ABCA1: variants seen among roughly 807,000 people sequenced by gnomAD.
The protein encoded by ABCA1 is ATP binding cassette subfamily A member 1.
ABCA1 carries 133 observed loss-of-function variants against 262.5 expected under a neutral mutation model. The observed-to-expected ratio is 0.51, with a 90% CI of 0.44 to 0.59. The LOEUF is 0.59. ABCA1 is among the 20% of genes least tolerant of loss of function. ABCA1 has a pLI of 0.00. For missense variants in ABCA1, 2,452 were observed against 2,777.5 expected (o/e 0.88, Z 2.63); for synonymous variants, 1,022 against 1,043.5 (o/e 0.98, Z 0.40).
At chr9:104,851,078 C>A (rs1348842801) in intron 7 of ABCA1, among the ~76,000 whole-genome samples, 2 of 152,186 alleles carry the variant, frequency 1.3e-5, no homozygotes, top group African/African-American at 4.8e-5. Context: ...TTAATCACAA[C>A]ATACCATGTT....
At chr9:104,888,541 A>G (rs548330928) in intron 3 of ABCA1, among the ~76,000 whole-genome samples, 3 of 152,232 alleles carry the variant, frequency 2.0e-5, no homozygotes, top group African/African-American at 7.2e-5. Context: ...ATTCATACCC[A>G]GATAACCTGA....
chr9:104,902,367 A>G (rs1840734174), intron 2 of ABCA1, among the ~76,000 whole-genome samples: 1 of 152,238 alleles, frequency 6.6e-6, no homozygotes, highest in Admixed American at 6.5e-5. Flanking sequence ...AGGTCATACA[A>G]GTAGAAAAAT....
intron 7 of ABCA1, among the ~76,000 whole-genome samples, chr9:104,848,204 T>C (rs561350330): frequency 9.9e-5 from 15 of 152,238 alleles, no homozygotes; most frequent in Non-Finnish European, 5.9e-5. Context: ...CTAAAAATGC[T>C]ACCAGCTGCA....
chr9:104,804,512 C>A, intron 32 of ABCA1, 114 bp downstream of exon 32: 1 of 868,440 alleles, frequency 1.2e-6, no homozygotes. Context: ...TTCCAATAGA[C>A]AGAATCAGGC....
chr9:104,786,578 T>C (rs1042095567), intron 47 of ABCA1, among the ~76,000 whole-genome samples, 188 bp from the exon 48 acceptor site: 2 of 152,180 alleles, frequency 1.3e-5, no homozygotes, highest in African/African-American at 4.8e-5. Context: ...ATAATCCAAA[T>C]GTCTACAAAA....
intron 28 of ABCA1, among the ~76,000 whole-genome samples, chr9:104,811,511 A>C (rs978876574): frequency 6.6e-6 from 1 of 152,216 alleles, no homozygotes; most frequent in Admixed American, 6.5e-5. Context: ...GAAAGAATAA[A>C]TATCCAATTC....
chr9:104,849,502 T>C (rs551776333), intron 7 of ABCA1, among the ~76,000 whole-genome samples: 4 of 152,310 alleles, frequency 2.6e-5, no homozygotes, highest in African/African-American at 9.6e-5. Context: ...AGTTCTTTAT[T>C]CGAGATTAAG....
chr9:104,894,282 T>TA (rs1248475930), intron 2 of ABCA1, among the ~76,000 whole-genome samples: 1 of 152,136 alleles, frequency 6.6e-6, no homozygotes, highest in East Asian at 1.9e-4. Flanking sequence ...TAGGATCCTG[T>TA]AGGGCAGCAG....
intron 5 of ABCA1, among the ~76,000 whole-genome samples, chr9:104,876,417 A>G (rs140277506): frequency 0.02 from 3,022 of 152,238 alleles, 52 homozygotes; most frequent in Middle Eastern, 0.037. Flanking sequence ...GGACGTCCCA[A>G]CCACTGCAAG....
intron 15 of ABCA1, 83 bp downstream of exon 15, chr9:104,828,833 T>G (rs1833013728): frequency 7.1e-7 from 1 of 1,407,090 alleles, no homozygotes; most frequent in Admixed American, 1.9e-5. Context: ...AGGCTTGGAT[T>G]TTTTTTCTTC....
intron 11 of ABCA1, among the ~76,000 whole-genome samples, chr9:104,834,442 C>T (rs1833618000): frequency 6.7e-6 from 1 of 149,272 alleles, no homozygotes; most frequent in Non-Finnish European, 1.5e-5. Context: ...CAAAATTGTA[C>T]CTCACAAGTT....
intron 14 of ABCA1, among the ~76,000 whole-genome samples, chr9:104,829,931 C>CATCCTGAT (rs1833116153): frequency 6.8e-6 from 1 of 146,222 alleles, no homozygotes; most frequent in African/African-American, 2.6e-5. Flanking sequence ...GCTCCTCCCG[C>CATCCTGAT]ATCCTGATCC....
chr9:104,888,647 A>G (rs1426433464), intron 3 of ABCA1, among the ~76,000 whole-genome samples: 1 of 152,202 alleles, frequency 6.6e-6, no homozygotes, highest in Non-Finnish European at 1.5e-5. Flanking sequence ...TCTGAGTTCT[A>G]TTCAAGGTTG....
In ABCA1 at chr9:104,792,849, T is replaced by C. The variant is rs757736474; in HGVS notation, c.5694A>G (p.Glu1898=). The C allele has an allele frequency of 1.2e-6, 2 of 1,614,064 alleles. No homozygotes were observed. The highest frequency in any genetic ancestry group is 2.7e-5 in the African/African-American group (2 of 74,936). The part of the protein sequence containing the change: ...LNDEDEDVRR[E]RQRILDGGGQ... ...CTCCACCATCAAGAATTCTCTGTCT[T>C]TCCCGCCTCACATCTTCATCTTCAT... The change falls in exon 42 of 50, where the codon GAA becomes GAG. Residue 1898 remains glutamate, a synonymous_variant. Transcript: ENST00000374736.
chr9:104,882,028 T>TAAAAAAAAAAAAAAAAAAAA lies in ABCA1; in HGVS notation c.421+991_421+1010dup, dbSNP rs557626075. ...CAAGGAAAGCACAGTTCTGTAGCCT[T>TAAAAAAAAAAAAAAAAAAAA]AAAAAAAAAAAAAAAAAAAAAAAAA... On this transcript the variant is annotated intron_variant, in intron 5 of 49. Coordinates refer to ENST00000374736, the MANE Select transcript of ABCA1 (RefSeq NM_005502.4). Among the ~76,000 whole-genome samples the TAAAAAAAAAAAAAAAAAAAA allele has an allele frequency of 3.2e-3, 234 of 73,738 alleles. 15 individuals are homozygous for TAAAAAAAAAAAAAAAAAAAA. The highest frequency in any genetic ancestry group is 8.8e-3 in the Middle Eastern group (1 of 114). The allele number at this position is 73,738 out of a possible 152,430, so 48.4% of individuals were successfully genotyped here.
chr9:104,875,568 G>C (rs1204774543), intron 5 of ABCA1, among the ~76,000 whole-genome samples: 1 of 151,958 alleles, frequency 6.6e-6, no homozygotes, highest in African/African-American at 2.4e-5. Context: ...TCCTCCAAAG[G>C]GTTCATCTCC....
At chr9:104,917,411 A>G (rs921137268) in intron 1 of ABCA1, among the ~76,000 whole-genome samples, 1 of 151,874 alleles carries the variant, frequency 6.6e-6, no homozygotes, top group Non-Finnish European at 1.5e-5. Flanking sequence ...ATGAGAAAAT[A>G]TGGTTCTTTT....
intron 1 of ABCA1, among the ~76,000 whole-genome samples, chr9:104,909,221 G>A (rs908934062): frequency 6.6e-6 from 1 of 152,110 alleles, no homozygotes; most frequent in Admixed American, 6.5e-5. Flanking sequence ...AATATTTATC[G>A]AGTGCCTATC....
intron 30 of ABCA1, among the ~76,000 whole-genome samples, chr9:104,809,006 A>G (rs1010832975): frequency 1.3e-5 from 2 of 152,266 alleles, no homozygotes; most frequent in African/African-American, 4.8e-5. Context: ...GTACAATAAA[A>G]ATATACAATT....
Sources: allele counts gnomAD v4.1 joint callset (sites outside exome capture counted in the v4.1 genomes callset), GRCh38; gene constraint gnomAD v4.1.1; transcripts MANE v1.5; gene names NCBI Gene and HGNC (gene_info 2026-07-23, HGNC 2026-07-21).